The following TMTC1 variants were observed in gnomAD, a reference collection of about 807,000 sequenced individuals.
The protein encoded by TMTC1 is protein O-mannosyl-transferase TMTC1.
In TMTC1, 73 loss-of-function variants were observed where a neutral mutation model predicts 104.8. The ratio of observed to expected loss-of-function variants is 0.70; its 90% confidence interval spans 0.58 to 0.85. TMTC1 has a LOEUF of 0.85. Ranked by LOEUF, TMTC1 falls within the 40% of genes least tolerant of loss-of-function variation. The pLI, the probability that TMTC1 is intolerant of heterozygous loss-of-function variation, is 0.00. For missense variants in TMTC1, 1,035 were observed against 1,096.1 expected (o/e 0.94, Z 0.79); for synonymous variants, 434 against 428.7 (o/e 1.01, Z -0.15).
At position 29,652,087 on chromosome 12, in the gene TMTC1, T is replaced by C. The variant is rs574842451; in HGVS notation, c.939-18751A>G. ...TTTATGAGTGGTACTATAGGGGATATGAATGTGAAAGGTCTATGCCCTCTG... is the reference window on the plus strand; with the variant it reads ...TTTATGAGTGGTACTATAGGGGATACGAATGTGAAAGGTCTATGCCCTCTG... On this transcript the variant is annotated intron_variant, in intron 5 of 17. Coordinates refer to ENST00000539277, the MANE Select transcript of TMTC1 (RefSeq NM_001193451.2). 2.0e-5 allele frequency among the ~76,000 whole-genome samples: 3 copies of C among 152,232 alleles called. No individual in the cohort carries two copies. The Middle Eastern group carries it at 0.01, about 518-fold the overall frequency.
intron 5 of TMTC1, among the ~76,000 whole-genome samples, chr12:29,636,817 A>G (rs10843455): frequency 0.18 from 27,530 of 151,288 alleles, 2,611 homozygotes; most frequent in African/African-American, 0.22. Flanking sequence ...GGCCTAGCTG[A>G]GAGGACTGCT....
chr12:29,680,348 C>A (rs1165551452), intron 5 of TMTC1, among the ~76,000 whole-genome samples: 2 of 152,052 alleles, frequency 1.3e-5, no homozygotes, highest in Non-Finnish European at 2.9e-5. Flanking sequence ...AAATTATTTC[C>A]AAAGAAAAAG....
chr12:29,539,219 T>C (rs1337815829), intron 10 of TMTC1, among the ~76,000 whole-genome samples: 1 of 152,222 alleles, frequency 6.6e-6, no homozygotes, highest in Non-Finnish European at 1.5e-5. Context: ...TATGTGAGAT[T>C]GAAACTTAAT....
chr12:29,586,300 T>C (rs1946132124), intron 7 of TMTC1, among the ~76,000 whole-genome samples: 1 of 152,166 alleles, frequency 6.6e-6, no homozygotes, highest in Admixed American at 6.5e-5. Context: ...CCTGAGACTT[T>C]GCTGAAGTTG....
intron 6 of TMTC1, among the ~76,000 whole-genome samples, chr12:29,616,478 A>G (rs1245254651): frequency 6.6e-6 from 1 of 151,912 alleles, no homozygotes; most frequent in African/African-American, 2.4e-5. Context: ...TCAAGGCCTG[A>G]CCAACATGGT....
chr12:29,751,760 T>C lies in TMTC1; in HGVS notation c.844A>G (p.Lys282Glu), dbSNP rs1359301237. 1 of 1,614,072 alleles carries C rather than the reference T, an allele frequency of 6.2e-7. No individual in the cohort carries two copies. The highest frequency in any genetic ancestry group is 1.1e-5 in the South Asian group (1 of 91,074). Residue 282 changes from lysine (K) to glutamate (E), a missense_variant, in exon 5 of 18, where the codon AAA becomes GAA. Lys to Glu is a moderately conservative substitution (Grantham distance 56). Transcript: ENST00000539277. ...ENGKQQRFPH[K>E]GAWGGCHSPL... Reference sequence around the variant, plus strand: ...GAGTGGCAGCCACCCCAAGCTCCTTTGTGAGGGAACCGCTGCTGCTTCCCA... The same window carrying C: ...GAGTGGCAGCCACCCCAAGCTCCTTCGTGAGGGAACCGCTGCTGCTTCCCA...
intron 5 of TMTC1, among the ~76,000 whole-genome samples, chr12:29,689,822 A>ACT (rs777619854): frequency 6.6e-5 from 10 of 152,002 alleles, no homozygotes; most frequent in Non-Finnish European, 1.5e-4. Flanking sequence ...GAAGGATTCC[A>ACT]CTCTTCTAGA....
chr12:29,751,861 G>A lies in TMTC1; in HGVS notation c.743C>T (p.Ala248Val), dbSNP rs773302950. The change falls in exon 5 of 18, where the codon GCC (alanine) becomes GTC (valine). Residue 248 changes from alanine to valine, a missense_variant. Ala to Val is a moderately conservative substitution (Grantham distance 64). Coordinates refer to ENST00000539277, the MANE Select transcript of TMTC1 (RefSeq NM_001193451.2). The part of the protein sequence containing the change: ...SNKQDKSSNG[A>V]LCPRSPQQPG... ...CTGCTGTGGGCTGCGTGGACAGAGG[G>A]CCCCATTGCTCCTGTTGTGCATGGA... The A allele has an allele frequency of 8.3e-6, 13 of 1,571,196 alleles. No homozygotes were observed. In the South Asian group the frequency reaches 1.4e-4, roughly 17 times the overall value.
intron 6 of TMTC1, among the ~76,000 whole-genome samples, chr12:29,625,235 C>T (rs1392297282): frequency 5.9e-5 from 9 of 152,244 alleles, no homozygotes; most frequent in Middle Eastern, 6.8e-3. Flanking sequence ...AAGTTTAATC[C>T]TCCTGTTTAC....
intron 5 of TMTC1, among the ~76,000 whole-genome samples, chr12:29,690,693 A>G (rs1941240544): frequency 6.6e-6 from 1 of 152,234 alleles, no homozygotes; most frequent in South Asian, 2.1e-4. Flanking sequence ...ACATTGACAA[A>G]TATTTGTGTT....
At chr12:29,657,785 T>TA (rs1177749393) in intron 5 of TMTC1, among the ~76,000 whole-genome samples, 2 of 152,150 alleles carry the variant, frequency 1.3e-5, no homozygotes, top group Admixed American at 6.5e-5. Flanking sequence ...ATTAATGATA[T>TA]AAAGCAAAGA....
chr12:29,563,984 C>T (rs299487), intron 9 of TMTC1, among the ~76,000 whole-genome samples: 81,981 of 151,724 alleles, frequency 0.54, 25,323 homozygotes, highest in Non-Finnish European at 0.68. Flanking sequence ...CCAGGAGAGA[C>T]GATGCTTTAC....
chr12:29,614,699 A>G (rs1158063616), intron 6 of TMTC1, among the ~76,000 whole-genome samples: 2 of 152,246 alleles, frequency 1.3e-5, no homozygotes, highest in Non-Finnish European at 2.9e-5. Flanking sequence ...TATATAAAAG[A>G]CAAGAAGGTT....
At chr12:29,607,095 T>C (rs1056985278) in intron 6 of TMTC1, among the ~76,000 whole-genome samples, 17 of 152,304 alleles carry the variant, frequency 1.1e-4, no homozygotes, top group Non-Finnish European at 1.8e-4. Context: ...AAATCTGATG[T>C]GCACATGGAA....
chr12:29,776,223 C>T (rs544328606), intron 1 of TMTC1, among the ~76,000 whole-genome samples: 1 of 152,322 alleles, frequency 6.6e-6, no homozygotes, highest in Admixed American at 6.5e-5. Flanking sequence ...ACCATTTGTG[C>T]TGCAACCTGC....
chr12:29,710,812 T>C (rs1315695624), intron 5 of TMTC1, among the ~76,000 whole-genome samples: 4 of 53,138 alleles, frequency 7.5e-5, no homozygotes, highest in African/African-American at 1.9e-4. Flanking sequence ...TATTTATATA[T>C]AATATAATGT....
intron 5 of TMTC1, among the ~76,000 whole-genome samples, chr12:29,683,717 A>G (rs1454876040): frequency 6.6e-6 from 1 of 152,214 alleles, no homozygotes; most frequent in Admixed American, 6.5e-5. Flanking sequence ...AATAAAAAGA[A>G]TGTAGCATAC....
chr12:29,673,967 C>G (rs994565355), intron 5 of TMTC1, among the ~76,000 whole-genome samples: 1 of 151,888 alleles, frequency 6.6e-6, no homozygotes, highest in African/African-American at 2.4e-5. Context: ...CCAGGTTGGT[C>G]AGGCTGGTCT....
chr12:29,677,124 A>T (rs1016504901), intron 5 of TMTC1, among the ~76,000 whole-genome samples: 16 of 152,214 alleles, frequency 1.1e-4, no homozygotes, highest in African/African-American at 3.9e-4. Context: ...AGAAAACAGC[A>T]TAAATAAATT....
Sources: gnomAD v4.1 joint callset for allele counts (sites outside exome capture counted in the v4.1 genomes callset) on GRCh38, gnomAD v4.1.1 for gene constraint, MANE v1.5 for transcripts, NCBI Gene and HGNC (gene_info 2026-07-23, HGNC 2026-07-21) for gene names.